DGKH: variants seen among roughly 807,000 people sequenced by gnomAD.
DGKH encodes the protein DAG kinase eta.
DGKH carries 90 observed loss-of-function variants against 159.3 expected under a neutral mutation model. That is an observed-to-expected ratio of 0.57 (90% confidence interval 0.48 to 0.67). The LOEUF is 0.67. Among genes scored for constraint, DGKH ranks in the 30% least tolerant of loss-of-function variants. The probability of loss-of-function intolerance (pLI) is 0.00; values close to 1 mark genes in which losing one functional copy is unlikely to be tolerated. For synonymous variants in DGKH, 536 were observed against 553.8 expected, an observed-to-expected ratio of 0.97 and a Z score of 0.45; for missense variants, 1,181 against 1,506.1, an observed-to-expected ratio of 0.78 and a Z score of 3.57.
intron 21 of DGKH, among the ~76,000 whole-genome samples, chr13:42,207,035 T>TTC (rs1232224215): frequency 4.1e-4 from 48 of 118,460 alleles, no homozygotes; most frequent in African/African-American, 1.5e-3. Flanking sequence ...TTTTCTTTCT[T>TTC]TCTTTCCTTC....
chr13:42,108,493 T>G (rs1472588410), intron 1 of DGKH, among the ~76,000 whole-genome samples: 1 of 152,120 alleles, frequency 6.6e-6, no homozygotes, highest in Non-Finnish European at 1.5e-5. Flanking sequence ...CCCAGTGCCG[T>G]GTAGTTAGCT....
At chr13:42,122,626 A>G (rs1955097834) in intron 1 of DGKH, among the ~76,000 whole-genome samples, 1 of 152,186 alleles carries the variant, frequency 6.6e-6, no homozygotes, top group Admixed American at 6.5e-5. Flanking sequence ...CAACACTGCC[A>G]TATTGAGGAT....
chr13:42,056,193 G>A (rs1881744993), intron 1 of DGKH, among the ~76,000 whole-genome samples: 1 of 152,092 alleles, frequency 6.6e-6, no homozygotes, highest in Non-Finnish European at 1.5e-5. Flanking sequence ...AGGAGTTAAT[G>A]TGCATCATTC....
intron 1 of DGKH, among the ~76,000 whole-genome samples, chr13:42,122,781 G>A (rs1269713148): frequency 6.6e-6 from 1 of 152,114 alleles, no homozygotes; most frequent in Non-Finnish European, 1.5e-5. Context: ...CATATGATGT[G>A]TGCACATATT....
intron 12 of DGKH, among the ~76,000 whole-genome samples, 162 bp downstream of exon 12, chr13:42,174,306 C>G (rs1956546741): frequency 6.6e-6 from 1 of 152,112 alleles, no homozygotes; most frequent in Admixed American, 6.5e-5. Context: ...CTAGTCCTCT[C>G]CCCCAGAGAG....
upstream of DGKH, among the ~76,000 whole-genome samples, chr13:42,045,040 C>T (rs1200520047): frequency 2.0e-5 from 3 of 152,062 alleles, no homozygotes; most frequent in Non-Finnish European, 4.4e-5. Flanking sequence ...GCCTGTAATC[C>T]CAACACTTTG....
At chr13:42,095,682 A>ATC (rs1954516233) in intron 1 of DGKH, among the ~76,000 whole-genome samples, 1 of 152,224 alleles carries the variant, frequency 6.6e-6, no homozygotes, top group Non-Finnish European at 1.5e-5. Flanking sequence ...AAATTTTACC[A>ATC]TCTCTATATA....
At position 42,159,908 on chromosome 13, in the gene DGKH, G is replaced by C. The variant is rs527428830; in HGVS notation, c.730-103G>C. On this transcript the variant is annotated intron_variant, in intron 6 of 29. Coordinates refer to ENST00000337343, the MANE Select transcript of DGKH (RefSeq NM_178009.5). The stretch of plus-strand genomic sequence containing the variant: ...AATGAGTGAATGCTATGCATGAAAC[G>C]TACTACTGACCCTCTAGAGTGAGAA... The C allele has an allele frequency of 1.9e-6, 3 of 1,542,316 alleles. No homozygotes were observed. In the East Asian group the frequency reaches 6.8e-5, roughly 35 times the overall value.
At chr13:42,194,181 C>T (rs1957148955) in intron 16 of DGKH, among the ~76,000 whole-genome samples, 1 of 152,080 alleles carries the variant, frequency 6.6e-6, no homozygotes, top group Admixed American at 6.6e-5. Flanking sequence ...ACTGTGTCAC[C>T]CAGGCTAGAG....
intron 20 of DGKH, 37 bp downstream of exon 20, chr13:42,199,946 C>T: frequency 6.6e-7 from 1 of 1,525,132 alleles, no homozygotes; most frequent in Non-Finnish European, 8.9e-7. Context: ...TTCATATTAT[C>T]TTACTTAAAA....
At chr13:42,122,821 A>G (rs962501008) in intron 1 of DGKH, among the ~76,000 whole-genome samples, 22 of 152,200 alleles carry the variant, frequency 1.4e-4, no homozygotes, top group Non-Finnish European at 2.5e-4. Context: ...GACATGCTCC[A>G]CCTATATAGA....
chr13:42,065,284 A>G (rs972592969), intron 1 of DGKH, among the ~76,000 whole-genome samples: 15 of 152,214 alleles, frequency 9.9e-5, no homozygotes, highest in African/African-American at 3.6e-4. Flanking sequence ...ATCTAAGTAG[A>G]CAGAGCTTTT....
chr13:42,200,660 G>A (rs984582127), intron 20 of DGKH, among the ~76,000 whole-genome samples: 1 of 152,112 alleles, frequency 6.6e-6, no homozygotes, highest in South Asian at 2.1e-4. Context: ...AAAATAAATA[G>A]AACATTATTA....
chr13:42,095,492 A>G (rs1475677850), intron 1 of DGKH, among the ~76,000 whole-genome samples: 1 of 151,886 alleles, frequency 6.6e-6, no homozygotes, highest in African/African-American at 2.4e-5. Flanking sequence ...TGAGTGCTTA[A>G]TACCTATTGG....
At chr13:42,060,454 A>T (rs1882073203) in intron 1 of DGKH, among the ~76,000 whole-genome samples, 1 of 152,136 alleles carries the variant, frequency 6.6e-6, no homozygotes, top group East Asian at 1.9e-4. Flanking sequence ...TCCCCTAGCC[A>T]TCTCAGTCTC....
chr13:42,112,842 T>G (rs1954888989), intron 1 of DGKH, among the ~76,000 whole-genome samples: 1 of 152,158 alleles, frequency 6.6e-6, no homozygotes, highest in Non-Finnish European at 1.5e-5. Context: ...AGTGCGGGGA[T>G]GGACATATCA....
intron 13 of DGKH, 140 bp downstream of exon 13, chr13:42,178,360 G>T: frequency 3.4e-6 from 2 of 587,222 alleles, no homozygotes; most frequent in Non-Finnish European, 5.5e-6. Flanking sequence ...TACTAAATTT[G>T]AATTGATTTT....
intron 23 of DGKH, among the ~76,000 whole-genome samples, chr13:42,209,850 G>A (rs1243405638): frequency 1.3e-5 from 2 of 152,038 alleles, no homozygotes; most frequent in African/African-American, 4.8e-5. Context: ...TCTTTGAGTT[G>A]TACATCTGTG....
chr13:42,125,381 C>T (rs2137835488), intron 1 of DGKH, among the ~76,000 whole-genome samples: 1 of 152,284 alleles, frequency 6.6e-6, no homozygotes, highest in East Asian at 1.9e-4. Context: ...AGACAGTGTG[C>T]TAAGTGCTCT....
Sources: gnomAD v4.1 joint callset for allele counts (sites outside exome capture counted in the v4.1 genomes callset) on GRCh38, gnomAD v4.1.1 for gene constraint, MANE v1.5 for transcripts, NCBI Gene and HGNC (gene_info 2026-07-23, HGNC 2026-07-21) for gene names.